The following EXOC4 variants were observed in gnomAD, a reference collection of about 807,000 sequenced individuals.
EXOC4 encodes SEC8-like 1.
Under a neutral mutation model 107.2 loss-of-function variants are expected in EXOC4, and 71 were observed. The observed-to-expected ratio is 0.66, with a 90% CI of 0.55 to 0.81. The LOEUF is 0.81. Ranked by LOEUF, EXOC4 falls within the 30% of genes least tolerant of loss-of-function variation. The pLI, the probability that EXOC4 is intolerant of heterozygous loss-of-function variation, is 0.00. For synonymous variants in EXOC4, 456 were observed against 441.2 expected (o/e 1.03, Z -0.42); for missense variants, 1,108 against 1,189.6 (o/e 0.93, Z 1.01).
chr7:134,007,739 A>T lies in EXOC4; in HGVS notation c.2591A>T (p.Glu864Val). The T allele has an allele frequency of 6.2e-7, 1 of 1,613,622 alleles. No homozygotes were observed. The highest frequency in any genetic ancestry group is 8.5e-7 in the Non-Finnish European group (1 of 1,179,746). The change falls in exon 17 of 18, where the codon GAG becomes GTG. Residue 864 changes from glutamate (E) to valine (V), a missense_variant. Coordinates refer to ENST00000253861, the MANE Select transcript of EXOC4 (RefSeq NM_021807.4). ...NGAQYFRRIS[E>V]SGIKKMCRNI... Reference sequence around the variant, plus strand: ...GCCCAGTACTTCAGGCGCATCAGTGAGTCTGGCATCAAGAAAATGTGTAGG... The same window carrying T: ...GCCCAGTACTTCAGGCGCATCAGTGTGTCTGGCATCAAGAAAATGTGTAGG...
chr7:133,728,589 T>C (rs1795263587), intron 10 of EXOC4, among the ~76,000 whole-genome samples: 1 of 152,206 alleles, frequency 6.6e-6, no homozygotes, highest in African/African-American at 2.4e-5. Flanking sequence ...AAACTTCCCT[T>C]ACTTCATTGC....
intron 12 of EXOC4, among the ~76,000 whole-genome samples, chr7:133,903,292 T>C (rs925148563): frequency 6.6e-6 from 1 of 152,206 alleles, no homozygotes; most frequent in Non-Finnish European, 1.5e-5. Flanking sequence ...CTTACATATA[T>C]TTTAAATTTT....
At chr7:133,784,326 G>A (rs1343296457) in intron 10 of EXOC4, among the ~76,000 whole-genome samples, 1 of 152,142 alleles carries the variant, frequency 6.6e-6, no homozygotes, top group Non-Finnish European at 1.5e-5. Context: ...CACTCTAATT[G>A]AGAAAATACA....
the EXOC4 span, among the ~76,000 whole-genome samples, chr7:134,078,106 T>G: frequency 6.6e-6 from 1 of 152,130 alleles, no homozygotes; most frequent in Admixed American, 6.5e-5. Flanking sequence ...TGATTTTTCT[T>G]TAATTTCCTG....
chr7:133,274,236 C>A (rs901361811), intron 1 of EXOC4, among the ~76,000 whole-genome samples: 1 of 152,156 alleles, frequency 6.6e-6, no homozygotes, highest in East Asian at 1.9e-4. Context: ...TTAATATGAC[C>A]TTATTTCCAG....
chr7:133,876,223 T>G (rs1198496813), intron 11 of EXOC4, among the ~76,000 whole-genome samples: 1 of 37,478 alleles, frequency 2.7e-5, no homozygotes, highest in Non-Finnish European at 5.7e-5. Context: ...AATGAAGAGG[T>G]GTGTGTGTGT....
chr7:133,694,259 CAAAAA>C (rs10591090), intron 10 of EXOC4, among the ~76,000 whole-genome samples: 9 of 120,154 alleles, frequency 7.5e-5, no homozygotes, highest in East Asian at 2.4e-4. Context: ...GATTCCTTCT[CAAAAA>C]AAAAAAAAAA....
intron 7 of EXOC4, among the ~76,000 whole-genome samples, chr7:133,412,663 A>G (rs563576157): frequency 3.3e-5 from 5 of 152,116 alleles, no homozygotes; most frequent in African/African-American, 1.2e-4. Context: ...CTCTAAAAAA[A>G]TCAGAACAAA....
chr7:133,628,853 A>G (rs538186333), intron 9 of EXOC4, among the ~76,000 whole-genome samples: 3 of 152,312 alleles, frequency 2.0e-5, no homozygotes, highest in South Asian at 2.1e-4. Context: ...TTCTGATAGC[A>G]TCAAGAAAGC....
chr7:133,458,868 C>T (rs1474562215), intron 7 of EXOC4, among the ~76,000 whole-genome samples: 1 of 149,740 alleles, frequency 6.7e-6, no homozygotes, highest in East Asian at 2.0e-4. Context: ...CTCCCACCCC[C>T]ACACCCCCGC....
chr7:133,383,723 A>G (rs1038943669), intron 7 of EXOC4, among the ~76,000 whole-genome samples: 1 of 152,224 alleles, frequency 6.6e-6, no homozygotes, highest in Non-Finnish European at 1.5e-5. Flanking sequence ...TGAGGATTCT[A>G]TACCTTAAAG....
chr7:133,757,166 C>T (rs1795936313), intron 10 of EXOC4, among the ~76,000 whole-genome samples: 1 of 152,084 alleles, frequency 6.6e-6, no homozygotes, highest in African/African-American at 2.4e-5. Flanking sequence ...CCAGGGCCCT[C>T]TTCTTACATG....
At chr7:133,930,821 A>G (rs150265944) in intron 13 of EXOC4, 1 of 152,156 alleles carries the variant, frequency 6.6e-6, no homozygotes, top group East Asian at 1.9e-4. Flanking sequence ...GTCTTATTTA[A>G]CATCCAGTAA....
At position 134,000,934 on chromosome 7, in the gene EXOC4, A is replaced by G. The variant is rs1447108836; in HGVS notation, c.2348+3301A>G. Among the ~76,000 whole-genome samples the G allele has an allele frequency of 5.3e-5, 8 of 152,190 alleles. No homozygotes were observed. The South Asian group carries it at 1.2e-3, about 24-fold the overall frequency. On this transcript the variant is annotated intron_variant, in intron 15 of 17. Transcript: ENST00000253861. ...CCAAATATCTTTATATCCATAGCCC[A>G]TATTTTTCTTTGACATTGTTAAAAT...
intron 11 of EXOC4, among the ~76,000 whole-genome samples, 165 bp from the exon 12 acceptor site, chr7:133,895,434 C>T (rs574253057): frequency 2.6e-4 from 39 of 152,296 alleles, no homozygotes; most frequent in South Asian, 6.2e-4. Flanking sequence ...TGTTCCTATT[C>T]GGCCATCTTG....
chr7:133,906,461 A>G (rs1799567877), intron 12 of EXOC4, among the ~76,000 whole-genome samples: 1 of 152,200 alleles, frequency 6.6e-6, no homozygotes, highest in African/African-American at 2.4e-5. Flanking sequence ...TAAAATGCTA[A>G]TTAGGCAAAA....
intron 10 of EXOC4, among the ~76,000 whole-genome samples, chr7:133,765,577 G>C (rs1229264953): frequency 6.6e-6 from 1 of 151,956 alleles, no homozygotes; most frequent in East Asian, 1.9e-4. Flanking sequence ...AATAAAAAGG[G>C]AGTGTGGTAT....
chr7:133,689,373 G>T (rs1208552128), intron 10 of EXOC4, among the ~76,000 whole-genome samples: 1 of 152,128 alleles, frequency 6.6e-6, no homozygotes, highest in Non-Finnish European at 1.5e-5. Context: ...TTCAAGGGGG[G>T]CTACTACAAT....
At chr7:133,983,019 T>C (rs770143232) in intron 14 of EXOC4, among the ~76,000 whole-genome samples, 51 of 152,202 alleles carry the variant, frequency 3.4e-4, no homozygotes, top group Admixed American at 9.2e-4. Context: ...TTGGCTCATG[T>C]TTCTGCAGGC....
Sources: allele counts gnomAD v4.1 joint callset (sites outside exome capture counted in the v4.1 genomes callset), GRCh38; gene constraint gnomAD v4.1.1; transcripts MANE v1.5; gene names NCBI Gene and HGNC (gene_info 2026-07-23, HGNC 2026-07-21).